The following PPP2R2B variants were observed in gnomAD, a reference collection of about 807,000 sequenced individuals.
PPP2R2B encodes the protein serine/threonine-protein phosphatase 2A 55 kDa regulatory subunit B beta isoform.
A neutral mutation model predicts 46.0 loss-of-function variants in PPP2R2B; 5 were observed. The ratio of observed to expected loss-of-function variants is 0.11; its 90% CI spans 0.06 to 0.23. PPP2R2B has a LOEUF of 0.23. Ranked by LOEUF, PPP2R2B falls within the 10% of genes least tolerant of loss-of-function variation. The pLI, the probability that PPP2R2B is intolerant of heterozygous loss-of-function variation, is 1.00. For missense variants in PPP2R2B, 367 were observed against 575.0 expected (o/e 0.64, Z 3.70); for synonymous variants, 215 against 206.7 (o/e 1.04, Z -0.34).
chr5:147,076,747 T>C (rs957439083), intron 2 of PPP2R2B, among the ~76,000 whole-genome samples: 1 of 152,156 alleles, frequency 6.6e-6, no homozygotes, highest in African/African-American at 2.4e-5. Context: ...TTCTATTTGA[T>C]GTGATGCTTT....
At chr5:146,834,767 CCT>C (rs1381172051) in intron 2 of PPP2R2B, among the ~76,000 whole-genome samples, 1 of 151,936 alleles carries the variant, frequency 6.6e-6, no homozygotes, top group East Asian at 1.9e-4. Flanking sequence ...CAATCCATGC[CCT>C]CTTTCCATCC....
chr5:146,592,984 T>C lies in PPP2R2B; in HGVS notation c.1039A>G (p.Asn347Asp), dbSNP rs1312297240. The part of the protein sequence containing the change: ...CIFDKFECVW[N>D]GSDSVIMTGS... Reference sequence around the variant, plus strand: ...AGCCTTTCTTACCTGTCTGACCCATTCCACACACACTCAAATTTATCAAAA... The same window carrying C: ...AGCCTTTCTTACCTGTCTGACCCATCCCACACACACTCAAATTTATCAAAA... Residue 347 changes from asparagine (N) to aspartate (D), a missense_variant, in exon 9 of 10, where the codon AAT (asparagine) becomes GAT (aspartate). This residue lies in a region of PPP2R2B where 361 missense variants were observed against 545.5 expected (regional missense o/e 0.66). Transcript: ENST00000394411. 1.2e-6 allele frequency: 2 copies of C among 1,612,672 alleles called. No individual in the cohort carries two copies. Among genetic ancestry groups the C allele is most frequent in the Admixed American group, 3.3e-5 (2 of 60,024 alleles).
intron 1 of PPP2R2B, among the ~76,000 whole-genome samples, chr5:146,897,500 C>T (rs1375103763): frequency 6.6e-6 from 1 of 152,172 alleles, no homozygotes. Flanking sequence ...TGTGCCTACT[C>T]ACTGTATAAT....
intron 5 of PPP2R2B, among the ~76,000 whole-genome samples, chr5:146,669,357 G>C (rs1378725438): frequency 6.6e-6 from 1 of 152,058 alleles, no homozygotes; most frequent in Non-Finnish European, 1.5e-5. Flanking sequence ...TCAGACCAAT[G>C]GTCTGGGTGG....
At chr5:146,832,534 G>T (rs923848371) in intron 2 of PPP2R2B, among the ~76,000 whole-genome samples, 1 of 151,680 alleles carries the variant, frequency 6.6e-6, no homozygotes, top group African/African-American at 2.4e-5. Context: ...TGAGATTACA[G>T]GTGCCTGCCA....
chr5:146,604,187 CTG>C (rs1772049381), intron 7 of PPP2R2B, among the ~76,000 whole-genome samples: 1 of 152,160 alleles, frequency 6.6e-6, no homozygotes, highest in South Asian at 2.1e-4. Context: ...TGTGATTTTA[CTG>C]TGTTATCAGA....
intron 1 of PPP2R2B, among the ~76,000 whole-genome samples, chr5:147,045,652 A>G (rs1432018670): frequency 1.3e-5 from 2 of 152,140 alleles, no homozygotes; most frequent in East Asian, 3.9e-4. Context: ...TGATATATAT[A>G]TATTTTTAAA....
chr5:146,735,152 C>T (rs1042448975), intron 2 of PPP2R2B, among the ~76,000 whole-genome samples: 11 of 152,116 alleles, frequency 7.2e-5, no homozygotes, highest in African/African-American at 2.7e-4. Flanking sequence ...GCCAAGCCTC[C>T]GAGTGTGCCG....
intron 2 of PPP2R2B, among the ~76,000 whole-genome samples, chr5:146,815,552 A>G (rs1056943752): frequency 1.3e-5 from 2 of 152,374 alleles, no homozygotes; most frequent in East Asian, 3.9e-4. Context: ...CAAGTGAAAT[A>G]CTTAAGAGGA....
Position 146,590,226 on chromosome 5 carries a change from A to G in PPP2R2B, c.1053T>C (p.Ser351=). 1.3e-6 allele frequency: 2 copies of G among 1,553,706 alleles called. No homozygotes were observed. The highest frequency in any genetic ancestry group is 1.7e-6 in the Non-Finnish European group (2 of 1,155,466). ...KFECVWNGSD[S]VIMTGSYNNF... ...TGTTGTAGGAGCCTGTCATGATGAC[A>G]CTGCAAGGCAGAGAGCAAAGGCAAT... The change falls in exon 10 of 10, where the codon AGT becomes AGC. Residue 351 remains serine, a splice_region_variant and synonymous_variant. Coordinates refer to ENST00000394411, the MANE Select transcript of PPP2R2B (RefSeq NM_181675.4).
At chr5:146,876,769 AAT>A (rs1221031122) in intron 2 of PPP2R2B, among the ~76,000 whole-genome samples, 7 of 152,140 alleles carry the variant, frequency 4.6e-5, no homozygotes, top group Non-Finnish European at 1.0e-4. Context: ...ACAAATGGAG[AAT>A]ATACTTTCAA....
chr5:146,953,009 G>T (rs6876312), intron 1 of PPP2R2B, among the ~76,000 whole-genome samples: 80,886 of 152,082 alleles, frequency 0.53, 23,459 homozygotes, highest in Non-Finnish European at 0.65. Context: ...GAGGTTAACA[G>T]ATAAAATATG....
chr5:146,722,334 A>G lies in PPP2R2B; in HGVS notation c.71-21192T>C, dbSNP rs574861944. ...CATTAAGTAACTTGTTGAAGTCACA[A>G]AGAGAGTTAGTAAGACTTAGGCTAT... On this transcript the variant is annotated intron_variant, in intron 2 of 9. Coordinates refer to ENST00000394411, the MANE Select transcript of PPP2R2B (RefSeq NM_181675.4). Among the ~76,000 whole-genome samples, 23 of 152,294 alleles carry G rather than the reference A, an allele frequency of 1.5e-4. 1 individual carries two copies. In the South Asian group the frequency reaches 4.4e-3, roughly 29 times the overall value.
At chr5:147,059,773 T>C (rs996295988), upstream of PPP2R2B, among the ~76,000 whole-genome samples, 3 of 152,166 alleles carry the variant, frequency 2.0e-5, no homozygotes, top group African/African-American at 7.2e-5. Flanking sequence ...TAAGCTTTTC[T>C]TTAGACTGAC....
intron 1 of PPP2R2B, among the ~76,000 whole-genome samples, chr5:146,991,474 C>T (rs932976627): frequency 2.0e-5 from 3 of 152,094 alleles, no homozygotes; most frequent in Non-Finnish European, 2.9e-5. Flanking sequence ...TACAACATTA[C>T]ATTAGGCAGA....
intron 2 of PPP2R2B, among the ~76,000 whole-genome samples, chr5:147,079,777 G>T (rs1344061018): frequency 1.3e-5 from 2 of 151,970 alleles, no homozygotes; most frequent in Non-Finnish European, 2.9e-5. Context: ...GCACAGTAGG[G>T]TGACTATGGT....
intron 9 of PPP2R2B, among the ~76,000 whole-genome samples, chr5:146,590,644 G>A (rs1050899774): frequency 4.6e-5 from 7 of 152,080 alleles, no homozygotes; most frequent in African/African-American, 7.2e-5. Flanking sequence ...GCAGTTGTAC[G>A]TGTTTAAGGT....
At chr5:146,988,118 A>T (rs1046728493) in intron 1 of PPP2R2B, among the ~76,000 whole-genome samples, 2 of 152,002 alleles carry the variant, frequency 1.3e-5, no homozygotes, top group African/African-American at 4.8e-5. Flanking sequence ...TAATTATATA[A>T]AGCAAATATT....
At chr5:146,987,850 C>T (rs898199979) in intron 1 of PPP2R2B, among the ~76,000 whole-genome samples, 1 of 151,784 alleles carries the variant, frequency 6.6e-6, no homozygotes, top group Non-Finnish European at 1.5e-5. Flanking sequence ...AGATAAGAAA[C>T]CCAACTATAT....
Sources: allele counts gnomAD v4.1 joint callset (sites outside exome capture counted in the v4.1 genomes callset), GRCh38; gene constraint gnomAD v4.1.1; regional missense constraint gnomAD v4.1.1; transcripts MANE v1.5; gene names NCBI Gene and HGNC (gene_info 2026-07-23, HGNC 2026-07-21).